The following DHX8 variants were observed in gnomAD, a reference collection of about 807,000 sequenced individuals.
DHX8 encodes the protein DEAH-box helicase 8, also known as ATP-dependent RNA helicase DHX8.
A neutral mutation model predicts 140.7 loss-of-function variants in DHX8; 67 were observed. The ratio of observed to expected loss-of-function variants is 0.48; its 90% CI spans 0.39 to 0.58. The LOEUF is 0.58. Among genes scored for constraint, DHX8 ranks in the 20% least tolerant of loss-of-function variants. The pLI, the probability that DHX8 is intolerant of heterozygous loss-of-function variation, is 0.00. For missense variants in DHX8, 887 were observed against 1,550.7 expected (o/e 0.57, Z 7.19); for synonymous variants, 533 against 553.2 (o/e 0.96, Z 0.51).
At chr17:43,509,340 A>T (rs1969675497) in intron 16 of DHX8, among the ~76,000 whole-genome samples, 1 of 152,334 alleles carries the variant, frequency 6.6e-6, no homozygotes, top group African/African-American at 2.4e-5. Context: ...GGAATGGCAT[A>T]GTTCCAGTGG....
At chr17:43,528,955 C>T (rs1970734046), downstream of DHX8, among the ~76,000 whole-genome samples, 3 of 152,178 alleles carry the variant, frequency 2.0e-5, no homozygotes, top group South Asian at 4.1e-4. Context: ...TTCTCAGTTA[C>T]AGTGTTGCAC....
chr17:43,530,512 G>T, downstream of DHX8: 1 of 1,102,364 alleles, frequency 9.1e-7, no homozygotes, highest in Non-Finnish European at 1.2e-6. Context: ...TGAGATGAAC[G>T]TCCGGGGAAA....
At chr17:43,543,493 AGGAGCT>A (rs959347463) in intron 3 of DHX8, among the ~76,000 whole-genome samples, 19 of 152,102 alleles carry the variant, frequency 1.2e-4, no homozygotes, top group African/African-American at 4.1e-4. Context: ...TCACAGCCCT[AGGAGCT>A]GCCCACTGTG....
chr17:43,528,853 G>A (rs899043815), downstream of DHX8: 35 of 836,444 alleles, frequency 4.2e-5, 1 homozygote, highest in Middle Eastern at 5.1e-4. Context: ...GCAGATGCTC[G>A]GGGCATTTCT....
chr17:43,497,740 G>A (rs1968946156), intron 9 of DHX8, among the ~76,000 whole-genome samples: 1 of 151,928 alleles, frequency 6.6e-6, no homozygotes, highest in Non-Finnish European at 1.5e-5. Context: ...GGGCAACAGA[G>A]CAACACCCTG....
chr17:43,505,462 G>A (rs1039375448), intron 12 of DHX8, among the ~76,000 whole-genome samples: 1 of 151,722 alleles, frequency 6.6e-6, no homozygotes, highest in African/African-American at 2.4e-5. Context: ...CCAGCTACTC[G>A]GGAGGCTGAG....
chr17:43,523,530 A>T, intron 22 of DHX8, 98 bp from the exon 23 acceptor site: 1 of 1,546,238 alleles, frequency 6.5e-7, no homozygotes, highest in South Asian at 1.3e-5. Flanking sequence ...AGGTAATAGT[A>T]TAAAATGTAA....
In DHX8 at chr17:43,538,468, G is replaced by A. The variant is rs369353230; in HGVS notation, c.*20+1970G>A. Among the ~76,000 whole-genome samples the A allele has an allele frequency of 3.9e-5, 6 of 152,264 alleles. No individual in the cohort carries two copies. The East Asian group carries it at 1.2e-3, about 29-fold the overall frequency. On this transcript the variant is annotated intron_variant, in intron 3 of 3. Coordinates refer to the DHX8 transcript ENST00000589898. ...GAGGGATTCCCAAGGTTGGTGATCCGAAGAGCTCTCCCAGGATGCCAGGAT... is the reference window on the plus strand; with the variant it reads ...GAGGGATTCCCAAGGTTGGTGATCCAAAGAGCTCTCCCAGGATGCCAGGAT...
intron 5 of DHX8, 137 bp from the exon 6 acceptor site, chr17:43,492,544 G>A (rs554452762): frequency 8.1e-5 from 52 of 641,248 alleles, no homozygotes; most frequent in African/African-American, 2.2e-4. Context: ...TAGGGATGTC[G>A]TAGTTATTGA....
chr17:43,495,755 G>C (rs531281864), intron 8 of DHX8, among the ~76,000 whole-genome samples: 1 of 152,056 alleles, frequency 6.6e-6, no homozygotes, highest in South Asian at 2.1e-4. Context: ...GGTCAGAGGA[G>C]AAAAAAACTG....
chr17:43,528,600 G>T (rs774883014), downstream of DHX8: 1 of 1,614,188 alleles, frequency 6.2e-7, no homozygotes, highest in Non-Finnish European at 8.5e-7. Flanking sequence ...TCTCATCCAA[G>T]TGGGACAAAG....
intron 12 of DHX8, among the ~76,000 whole-genome samples, 200 bp from the exon 13 acceptor site, chr17:43,506,803 A>AT (rs1969520542): frequency 6.6e-6 from 1 of 152,082 alleles, no homozygotes; most frequent in African/African-American, 2.4e-5. Context: ...GGGAAGGAAC[A>AT]TTTTTTATGT....
downstream of DHX8, chr17:43,526,307 A>G (rs1970614137): frequency 6.4e-6 from 9 of 1,406,590 alleles, no homozygotes; most frequent in Non-Finnish European, 8.3e-6. Context: ...TATATTGTTC[A>G]CCCCCACCCC....
At chr17:43,535,692 G>A (rs1358317078) in intron 2 of DHX8, among the ~76,000 whole-genome samples, 1 of 152,140 alleles carries the variant, frequency 6.6e-6, no homozygotes, top group Non-Finnish European at 1.5e-5. Flanking sequence ...AGTATCCCTG[G>A]CCTCTCTATC....
intron 12 of DHX8, among the ~76,000 whole-genome samples, chr17:43,505,441 T>C (rs1598150507): frequency 3.3e-5 from 5 of 151,038 alleles, no homozygotes; most frequent in African/African-American, 9.7e-5. Context: ...TGGTGGTCCA[T>C]GCCTGTAATC....
At chr17:43,526,855 G>C, downstream of DHX8, 1 of 447,398 alleles carries the variant, frequency 2.2e-6, no homozygotes, top group Non-Finnish European at 3.6e-6. Flanking sequence ...TGTGTTTCTA[G>C]GAAGAAGTAA....
intron 1 of DHX8, among the ~76,000 whole-genome samples, chr17:43,488,740 G>C (rs1968327937): frequency 6.6e-6 from 1 of 152,148 alleles, no homozygotes; most frequent in Non-Finnish European, 1.5e-5. Context: ...CTGTCCTTCT[G>C]TTGTGTGCCT....
At chr17:43,513,281 A>C in intron 16 of DHX8, 81 bp from the exon 17 acceptor site, 1 of 1,456,486 alleles carries the variant, frequency 6.9e-7, no homozygotes, top group Non-Finnish European at 9.3e-7. Flanking sequence ...CTTTGGGAAG[A>C]TATCTGGGTT....
chr17:43,516,256 C>G (rs1255224561), intron 17 of DHX8, among the ~76,000 whole-genome samples: 1 of 152,038 alleles, frequency 6.6e-6, no homozygotes, highest in African/African-American at 2.4e-5. Context: ...ATCTGCAAGC[C>G]TACTATCAGA....
Sources: allele counts gnomAD v4.1 joint callset (sites outside exome capture counted in the v4.1 genomes callset), GRCh38; gene constraint gnomAD v4.1.1; transcripts MANE v1.5; gene names NCBI Gene and HGNC (gene_info 2026-07-23, HGNC 2026-07-21).